The following WDR44 variants were observed in gnomAD, a reference collection of about 807,000 sequenced individuals.
The protein encoded by WDR44 is WD repeat-containing protein 44.
Under a neutral mutation model 65.7 loss-of-function variants are expected in WDR44, and 9 were observed. The ratio of observed to expected loss-of-function variants is 0.14; its 90% CI spans 0.08 to 0.24. The LOEUF (loss-of-function observed/expected upper bound fraction) is 0.24, where lower values mean the gene tolerates loss of function less well. Among genes scored for constraint, WDR44 ranks in the 10% least tolerant of loss-of-function variants. The probability of loss-of-function intolerance (pLI) is 1.00; values close to 1 mark genes in which losing one functional copy is unlikely to be tolerated. For synonymous variants in WDR44, 220 were observed against 235.2 expected, an observed-to-expected ratio of 0.94 and a Z score of 0.59; for missense variants, 425 against 670.9, an observed-to-expected ratio of 0.63 and a Z score of 4.05.
Position 118,406,749 on chromosome X carries a change from T to C in WDR44, c.1382-126T>C. 3 of 613,179 alleles carry C rather than the reference T, an allele frequency of 4.9e-6. 1 individual carries two copies. 50.5% of individuals were successfully genotyped at this position (613,179 alleles called of 1,213,427 possible). A position where few individuals can be genotyped will look rare whatever the true frequency, so the allele number is the denominator to read the frequency against. ...TTAGACTCCATGTTTTTAACCAGTA[T>C]GTTATATAATAAATAAATTTTGCTC... On this transcript the variant is annotated intron_variant, in intron 9 of 19. Transcript: ENST00000254029.
At chrX:118,396,753 CTG>C (rs2056869131) in intron 6 of WDR44, among the ~76,000 whole-genome samples, 1 of 111,636 alleles carries the variant, frequency 9.0e-6, no homozygotes, top group Non-Finnish European at 1.9e-5. Flanking sequence ...TTGTACAACT[CTG>C]TGAATATACT....
At chrX:118,359,406 G>A (rs1314229118) in intron 1 of WDR44, among the ~76,000 whole-genome samples, 1 of 112,071 alleles carries the variant, frequency 8.9e-6, no homozygotes. Context: ...TTTTTAGTTT[G>A]GAATCCTTGA....
chrX:118,387,476 C>T, intron 3 of WDR44, 62 bp downstream of exon 3: 1 of 864,294 alleles, frequency 1.2e-6, no homozygotes, highest in Non-Finnish European at 1.6e-6. Flanking sequence ...TGGTATATTT[C>T]AAACAGCTTT....
chrX:118,431,109 A>G (rs2057206520), intron 12 of WDR44, among the ~76,000 whole-genome samples: 1 of 111,029 alleles, frequency 9.0e-6, no homozygotes, highest in Non-Finnish European at 1.9e-5. Flanking sequence ...CATTATTCTT[A>G]CTTAAACTTA....
chrX:118,352,622 A>G (rs910491673), intron 1 of WDR44, among the ~76,000 whole-genome samples: 1 of 108,783 alleles, frequency 9.2e-6, no homozygotes, highest in Non-Finnish European at 1.9e-5. Flanking sequence ...ATTACCCAAC[A>G]CTCCATGTGT....
intron 12 of WDR44, 116 bp from the exon 13 acceptor site, chrX:118,432,665 G>A: frequency 1.5e-6 from 1 of 646,597 alleles, no homozygotes; most frequent in Middle Eastern, 3.7e-4. Context: ...CTTGCTTTTG[G>A]TGACTCAAGA....
At chrX:118,403,899 G>A (rs2056940981) in intron 8 of WDR44, among the ~76,000 whole-genome samples, 1 of 112,065 alleles carries the variant, frequency 8.9e-6, no homozygotes, top group Admixed American at 9.5e-5. Context: ...ATTCTATTTT[G>A]TGAGGAAATA....
intron 1 of WDR44, among the ~76,000 whole-genome samples, chrX:118,372,826 C>G (rs1486413648): frequency 8.9e-6 from 1 of 112,131 alleles, no homozygotes; most frequent in Admixed American, 9.4e-5. Flanking sequence ...CGGTGGCTCA[C>G]GCCTGTAATC....
At chrX:118,393,540 C>T (rs1045916636) in intron 4 of WDR44, among the ~76,000 whole-genome samples, 21 of 107,781 alleles carry the variant, frequency 1.9e-4, no homozygotes, top group African/African-American at 6.1e-4. Context: ...TGCAGTGAGC[C>T]AAGGTCGCGC....
intron 17 of WDR44, 147 bp from the exon 18 acceptor site, chrX:118,443,413 C>A: frequency 1.5e-6 from 1 of 659,913 alleles, no homozygotes; most frequent in Non-Finnish European, 2.2e-6. Context: ...TTTAGAACAT[C>A]TAGAGTGAGA....
intron 15 of WDR44, 46 bp from the exon 16 acceptor site, chrX:118,442,198 C>T (rs755021825): frequency 9.2e-7 from 1 of 1,088,036 alleles, no homozygotes; most frequent in Non-Finnish European, 1.3e-6. Context: ...CGAGCCACCA[C>T]ACATGCTCCT....
intron 8 of WDR44, among the ~76,000 whole-genome samples, chrX:118,402,451 A>G: frequency 1.1e-5 from 1 of 94,725 alleles, no homozygotes; most frequent in East Asian, 3.5e-4. Flanking sequence ...AAAAAAAAAA[A>G]AAAAAAAACA....
rs1305709551 is a variant in WDR44, at chrX:118,449,304, G to C, written c.*317G>C. On this transcript the variant is annotated 3_prime_UTR_variant, in exon 20 of 20. Coordinates refer to ENST00000254029, the MANE Select transcript of WDR44 (RefSeq NM_019045.5). Reference sequence around the variant, plus strand: ...ATTAATCACATGTATGTGCCTTTTGGTTACATGCATTAAATCTAACAGAGT... The same window carrying C: ...ATTAATCACATGTATGTGCCTTTTGCTTACATGCATTAAATCTAACAGAGT... 3.2e-5 allele frequency: 4 copies of C among 126,410 alleles called. No individual in the cohort carries two copies. The highest frequency in any genetic ancestry group is 4.8e-5 in the Non-Finnish European group (3 of 63,003). The allele number at this position is 126,410 out of a possible 1,213,427, so 10.4% of individuals were successfully genotyped here.
chrX:118,347,761 C>T (rs2056365632), intron 1 of WDR44, among the ~76,000 whole-genome samples: 1 of 112,279 alleles, frequency 8.9e-6, no homozygotes, highest in African/African-American at 3.2e-5. Context: ...AATCAGAAAG[C>T]AATGTACGTT....
chrX:118,381,580 T>C (rs2056717760), intron 2 of WDR44, among the ~76,000 whole-genome samples: 1 of 104,144 alleles, frequency 9.6e-6, no homozygotes, highest in Admixed American at 1.0e-4. Context: ...TTTCTTCTTT[T>C]TTTTTTTTTT....
intron 2 of WDR44, among the ~76,000 whole-genome samples, chrX:118,383,763 G>C (rs1452019879): frequency 1.0e-5 from 1 of 97,196 alleles, no homozygotes; most frequent in Non-Finnish European, 2.0e-5. Flanking sequence ...CTCTGTCCCA[G>C]GCTGGACCAA....
At chrX:118,386,406 T>C (rs781269752) in intron 2 of WDR44, 6 of 356,862 alleles carry the variant, frequency 1.7e-5, no homozygotes, top group Non-Finnish European at 2.7e-5. Context: ...CTCCCAAATA[T>C]ATATATATAT....
At position 118,350,698 on chromosome X, in the gene WDR44, C is replaced by T. The variant is rs143366465; in HGVS notation, c.77+4118C>T. On this transcript the variant is annotated intron_variant, in intron 1 of 19. Coordinates refer to ENST00000254029, the MANE Select transcript of WDR44 (RefSeq NM_019045.5). ...TGCTAACTCATGTGGTTTATACTTA[C>T]ACATACTAAAGGCTGGCACTGAGAA... Among the ~76,000 whole-genome samples the T allele has an allele frequency of 3.7e-4, 41 of 111,909 alleles. 2 individuals carry two copies. The East Asian group carries it at 0.011, about 30-fold the overall frequency.
intron 1 of WDR44, among the ~76,000 whole-genome samples, chrX:118,349,036 A>G (rs2056378637): frequency 2.7e-5 from 3 of 111,720 alleles, no homozygotes; most frequent in Non-Finnish European, 3.8e-5. Flanking sequence ...TTTCCTTCCA[A>G]TGATGTCTTC....
Sources: allele counts gnomAD v4.1 joint callset (sites outside exome capture counted in the v4.1 genomes callset), GRCh38; gene constraint gnomAD v4.1.1; transcripts MANE v1.5; gene names NCBI Gene and HGNC (gene_info 2026-07-23, HGNC 2026-07-21).